Variants in FAAH2 observed in about 807,000 individuals in gnomAD.
FAAH2 encodes the protein fatty acid amide hydrolase 2.
FAAH2 carries 60 observed loss-of-function variants against 36.9 expected under a neutral mutation model. The observed-to-expected ratio is 1.63, with a 90% CI of 1.32 to 2.02. FAAH2 has a LOEUF of 2.02. Ranked by LOEUF, FAAH2 falls within the 30% of genes most tolerant of loss-of-function variation. The probability of loss-of-function intolerance (pLI) is 0.00; values close to 1 mark genes in which losing one functional copy is unlikely to be tolerated. For missense variants in FAAH2, 689 were observed against 397.5 expected (o/e 1.73, Z -6.23); for synonymous variants, 214 against 143.8 (o/e 1.49, Z -3.49).
the FAAH2 span, among the ~76,000 whole-genome samples, chrX:57,124,866 CTT>C: frequency 1.8e-5 from 2 of 112,385 alleles, no homozygotes; most frequent in African/African-American, 6.5e-5. Context: ...TATCCTGAGA[CTT>C]GGCTGAAGTT....
At chrX:57,389,373 C>T (rs2055109120) in intron 7 of FAAH2, among the ~76,000 whole-genome samples, 1 of 105,916 alleles carries the variant, frequency 9.4e-6, no homozygotes, top group African/African-American at 3.4e-5. Context: ...AGCTTTATTT[C>T]ATCCCCTTAC....
chrX:57,162,063 C>G, the FAAH2 span, among the ~76,000 whole-genome samples: 2 of 111,314 alleles, frequency 1.8e-5, no homozygotes, highest in Non-Finnish European at 3.8e-5. Context: ...CTGGTGGTGA[C>G]AAAATCTCTC....
At chrX:57,238,470 GAAC>G in the FAAH2 span, among the ~76,000 whole-genome samples, 1 of 110,722 alleles carries the variant, frequency 9.0e-6, no homozygotes, top group African/African-American at 3.3e-5. Context: ...ACATAGAGGG[GAAC>G]AACAGACAGT....
intron 10 of FAAH2, among the ~76,000 whole-genome samples, chrX:57,460,152 A>G (rs1041593305): frequency 3.6e-5 from 4 of 112,095 alleles, no homozygotes; most frequent in East Asian, 2.8e-4. Flanking sequence ...GAAATATGGG[A>G]CTATATGAAA....
the FAAH2 span, among the ~76,000 whole-genome samples, chrX:57,246,131 T>C: frequency 1.4e-3 from 161 of 111,541 alleles, no homozygotes; most frequent in Middle Eastern, 4.6e-3. Context: ...CTAGAAGAAA[T>C]GGATAAATTC....
chrX:57,422,979 C>G (rs1192145242), intron 7 of FAAH2, among the ~76,000 whole-genome samples: 1 of 111,930 alleles, frequency 8.9e-6, no homozygotes, highest in Non-Finnish European at 1.9e-5. Flanking sequence ...GAGTGAGTCA[C>G]CAGTGTGTAA....
chrX:57,269,862 A>G, the FAAH2 span, among the ~76,000 whole-genome samples: 1 of 111,500 alleles, frequency 9.0e-6, no homozygotes, highest in Non-Finnish European at 1.9e-5. Flanking sequence ...TAGAAGACAA[A>G]TAACCAAATC....
chrX:57,439,539 C>T (rs1053771922), intron 8 of FAAH2, among the ~76,000 whole-genome samples: 7 of 111,313 alleles, frequency 6.3e-5, no homozygotes, highest in African/African-American at 2.3e-4. Context: ...ATTTTTCTCC[C>T]ATTTTGTAGG....
intron 3 of FAAH2, among the ~76,000 whole-genome samples, chrX:57,328,370 C>A (rs1182635425): frequency 9.0e-6 from 1 of 111,428 alleles, no homozygotes; most frequent in East Asian, 2.8e-4. Context: ...GTTATTTTTT[C>A]ATGAAATTTT....
At chrX:57,348,916 A>G (rs2053903234) in intron 5 of FAAH2, among the ~76,000 whole-genome samples, 1 of 107,936 alleles carries the variant, frequency 9.3e-6, no homozygotes, top group South Asian at 3.9e-4. Flanking sequence ...ACAATAATTC[A>G]CCAGCAAGAG....
chrX:57,465,125 A>T (rs1458034274), intron 10 of FAAH2, among the ~76,000 whole-genome samples: 1 of 111,897 alleles, frequency 8.9e-6, no homozygotes, highest in Non-Finnish European at 1.9e-5. Flanking sequence ...GAGGAGCTCA[A>T]CATTATGTTT....
At chrX:57,465,715 C>A (rs1178105043) in intron 10 of FAAH2, among the ~76,000 whole-genome samples, 1 of 110,608 alleles carries the variant, frequency 9.0e-6, no homozygotes, top group Non-Finnish European at 1.9e-5. Flanking sequence ...GAAAGTGACA[C>A]CAGACAATAA....
chrX:57,445,237 C>T (rs1344571487), intron 8 of FAAH2, among the ~76,000 whole-genome samples: 4 of 111,577 alleles, frequency 3.6e-5, no homozygotes, highest in African/African-American at 1.3e-4. Flanking sequence ...TGCTGTGACT[C>T]TTGCCAAATC....
intron 7 of FAAH2, among the ~76,000 whole-genome samples, chrX:57,391,097 AT>A (rs199544809): frequency 1.4e-4 from 15 of 109,592 alleles, no homozygotes; most frequent in East Asian, 2.9e-4. Context: ...CCTTTTCATA[AT>A]TTTTTTTTGT....
At chrX:57,286,482 A>T (rs975839643), upstream of FAAH2, among the ~76,000 whole-genome samples, 2 of 111,412 alleles carry the variant, frequency 1.8e-5, no homozygotes, top group Non-Finnish European at 3.8e-5. Flanking sequence ...CTTATGAGTA[A>T]ACTGACTAGG....
At chrX:57,182,279 G>A in the FAAH2 span, among the ~76,000 whole-genome samples, 4 of 111,924 alleles carry the variant, frequency 3.6e-5, no homozygotes, top group African/African-American at 1.3e-4. Flanking sequence ...GCTATCAACA[G>A]AGTAAACAGA....
At chrX:57,166,813 C>G in the FAAH2 span, among the ~76,000 whole-genome samples, 1 of 111,723 alleles carries the variant, frequency 9.0e-6, no homozygotes, top group African/African-American at 3.3e-5. Context: ...AGAGCAGGTC[C>G]TCACCGTGCT....
chrX:57,188,143 C>T, the FAAH2 span, among the ~76,000 whole-genome samples: 36 of 111,436 alleles, frequency 3.2e-4, no homozygotes, highest in Admixed American at 1.4e-3. Flanking sequence ...ATAGTACTAT[C>T]GCCTCTTTGT....
the FAAH2 span, among the ~76,000 whole-genome samples, chrX:57,154,930 G>A: frequency 9.0e-6 from 1 of 110,537 alleles, no homozygotes; most frequent in Non-Finnish European, 1.9e-5. Flanking sequence ...GAACTGTAGT[G>A]ATCGTTATTT....
Sources: gnomAD v4.1 joint callset for allele counts (sites outside exome capture counted in the v4.1 genomes callset) on GRCh38, gnomAD v4.1.1 for gene constraint, MANE v1.5 for transcripts, NCBI Gene and HGNC (gene_info 2026-07-23, HGNC 2026-07-21) for gene names.